The following ADAMTS12 variants were observed in gnomAD, a reference collection of about 807,000 sequenced individuals.
The protein encoded by ADAMTS12 is ADAM metallopeptidase with thrombospondin type 1 motif 12.
Under a neutral mutation model 167.8 loss-of-function variants are expected in ADAMTS12, and 118 were observed. The observed-to-expected ratio is 0.70, with a 90% CI of 0.61 to 0.82. The LOEUF is 0.82. Ranked by LOEUF, ADAMTS12 falls within the 40% of genes least tolerant of loss-of-function variation. ADAMTS12 has a pLI of 0.00. For missense variants in ADAMTS12, 1,916 were observed against 1,998.8 expected (o/e 0.96, Z 0.79); for synonymous variants, 704 against 716.9 (o/e 0.98, Z 0.29).
chr5:33,695,269 T>A (rs1742713893), intron 3 of ADAMTS12, among the ~76,000 whole-genome samples: 1 of 152,310 alleles, frequency 6.6e-6, no homozygotes, highest in East Asian at 1.9e-4. Context: ...ACCCTCACCT[T>A]GTGAAATGGC....
In ADAMTS12 at chr5:33,658,278, G is replaced by C; in HGVS notation, c.1096C>G (p.Leu366Val). The change falls in exon 7 of 24, where the codon CTT becomes GTT. Residue 366 changes from leucine (L) to valine (V), a missense_variant. Leu to Val is a conservative substitution (Grantham distance 32). Transcript: ENST00000504830. ...RPCETLGLSHLSGMCQPHRSC... is the reference protein window; with the variant it reads ...RPCETLGLSHVSGMCQPHRSC... ...CGGTGAGGCTGACACATTCCTGAAA[G>C]GTGAGACAGGCCCAGGGTCTCGCAG... 1 of 1,613,748 alleles carries C rather than the reference G, an allele frequency of 6.2e-7. No homozygotes were observed. Among genetic ancestry groups the C allele is most frequent in the Non-Finnish European group, 8.5e-7 (1 of 1,179,718 alleles).
At chr5:33,860,594 G>T (rs143430230) in intron 2 of ADAMTS12, among the ~76,000 whole-genome samples, 15 of 152,230 alleles carry the variant, frequency 9.9e-5, no homozygotes, top group African/African-American at 3.4e-4. Flanking sequence ...CACACTTCAG[G>T]ATACTATCCA....
At chr5:33,580,804 C>T (rs530132700) in intron 18 of ADAMTS12, among the ~76,000 whole-genome samples, 1 of 152,292 alleles carries the variant, frequency 6.6e-6, no homozygotes, top group East Asian at 1.9e-4. Context: ...TTTGACTTCT[C>T]TTGGAAAAGC....
chr5:33,528,317 T>C (rs1743920107), intron 23 of ADAMTS12, among the ~76,000 whole-genome samples: 1 of 152,172 alleles, frequency 6.6e-6, no homozygotes, highest in Non-Finnish European at 1.5e-5. Context: ...TTGGGTATAG[T>C]ATACACTGCT....
chr5:33,877,811 T>A (rs1333186353), intron 2 of ADAMTS12, among the ~76,000 whole-genome samples: 5 of 152,174 alleles, frequency 3.3e-5, no homozygotes, highest in Non-Finnish European at 7.4e-5. Flanking sequence ...TGAAATCATC[T>A]GAGTCTGCTC....
At chr5:33,563,231 A>C (rs1303844491) in intron 19 of ADAMTS12, among the ~76,000 whole-genome samples, 1 of 152,212 alleles carries the variant, frequency 6.6e-6, no homozygotes, top group African/African-American at 2.4e-5. Context: ...GATAGCACTA[A>C]TGGCCTGCAT....
intron 2 of ADAMTS12, among the ~76,000 whole-genome samples, chr5:33,834,273 A>T (rs1306668996): frequency 6.6e-6 from 1 of 152,200 alleles, no homozygotes; most frequent in Non-Finnish European, 1.5e-5. Flanking sequence ...TGGGGGAATC[A>T]CAATACAGTC....
chr5:33,733,633 T>C (rs1744270476), intron 3 of ADAMTS12, among the ~76,000 whole-genome samples: 1 of 152,184 alleles, frequency 6.6e-6, no homozygotes, highest in Non-Finnish European at 1.5e-5. Context: ...TGGGTCCTTA[T>C]ACTCCAAACA....
intron 3 of ADAMTS12, among the ~76,000 whole-genome samples, chr5:33,697,731 G>C (rs372012153): frequency 6.6e-6 from 1 of 151,740 alleles, no homozygotes; most frequent in African/African-American, 2.4e-5. Flanking sequence ...TTTCTTTTAC[G>C]TGCCCACCTT....
intron 9 of ADAMTS12, among the ~76,000 whole-genome samples, chr5:33,646,606 T>C (rs1160531896): frequency 1.3e-5 from 2 of 152,056 alleles, no homozygotes; most frequent in African/African-American, 2.4e-5. Context: ...GACCCAGAGA[T>C]AGAACTGAAA....
At chr5:33,715,985 G>A (rs1379999278) in intron 3 of ADAMTS12, among the ~76,000 whole-genome samples, 1 of 152,092 alleles carries the variant, frequency 6.6e-6, no homozygotes, top group Admixed American at 6.6e-5. Context: ...AAAGATAGAT[G>A]TTAACTTTTA....
chr5:33,632,620 C>T (rs570666327), intron 12 of ADAMTS12, among the ~76,000 whole-genome samples: 4 of 152,028 alleles, frequency 2.6e-5, no homozygotes, highest in Non-Finnish European at 4.4e-5. Context: ...TCTGGTAGCA[C>T]GATTAGCTCT....
rs1431367711 is a variant in ADAMTS12 at position 33,576,751 on chromosome 5, A to G, written c.3275T>C (p.Leu1092Pro). 5.6e-6 allele frequency: 9 copies of G among 1,614,192 alleles called. No homozygotes were observed. In the Admixed American group the frequency reaches 1.5e-4, roughly 27 times the overall value. The stretch of plus-strand genomic sequence containing the variant: ...CTGAATGCTCAAGGATTGGGAAGTG[A>G]GGATGGGCTGGGAAGTGCTTCCAGT... ...ISTGSTSQPI[L>P]TSQSLSIQPS... The change falls in exon 19 of 24, where the codon CTC (leucine) becomes CCC (proline). Residue 1092 changes from leucine (L) to proline (P), a missense_variant. By Grantham distance (98) the Leu-to-Pro change is moderately conservative (BLOSUM62 -3). Coordinates refer to ENST00000504830, the MANE Select transcript of ADAMTS12 (RefSeq NM_030955.4).
At chr5:33,849,338 A>G (rs530500412) in intron 2 of ADAMTS12, among the ~76,000 whole-genome samples, 15 of 144,312 alleles carry the variant, frequency 1.0e-4, no homozygotes, top group Non-Finnish European at 2.1e-4. Flanking sequence ...TATGTATTGA[A>G]TAGCAATATA....
intron 6 of ADAMTS12, among the ~76,000 whole-genome samples, chr5:33,659,637 A>G (rs1340283661): frequency 6.6e-6 from 1 of 152,228 alleles, no homozygotes; most frequent in Non-Finnish European, 1.5e-5. Flanking sequence ...TGGTTCTTAC[A>G]GGCCAGCAGC....
At chr5:33,574,252 T>C (rs1746548083) in intron 19 of ADAMTS12, among the ~76,000 whole-genome samples, 1 of 152,006 alleles carries the variant, frequency 6.6e-6, no homozygotes. Flanking sequence ...ACTGGGTATA[T>C]ACCCAAAGGA....
chr5:33,756,923 C>T (rs1357996694), intron 2 of ADAMTS12, among the ~76,000 whole-genome samples: 1 of 152,212 alleles, frequency 6.6e-6, no homozygotes, highest in East Asian at 1.9e-4. Flanking sequence ...GAGCCACTAA[C>T]CCCATGCAGC....
chr5:33,682,136 T>G (rs1400351835), intron 5 of ADAMTS12, among the ~76,000 whole-genome samples: 1 of 152,204 alleles, frequency 6.6e-6, no homozygotes, highest in Non-Finnish European at 1.5e-5. Context: ...ACTGCAGAGA[T>G]GACACGTATT....
intron 4 of ADAMTS12, 141 bp downstream of exon 4, chr5:33,683,718 T>C (rs74726701): frequency 0.018 from 8,932 of 483,072 alleles, 719 homozygotes; most frequent in African/African-American, 0.16. Context: ...ATATTCATCC[T>C]TAGGCAGGTA....
Sources: allele counts gnomAD v4.1 joint callset (sites outside exome capture counted in the v4.1 genomes callset), GRCh38; gene constraint gnomAD v4.1.1; transcripts MANE v1.5; gene names NCBI Gene and HGNC (gene_info 2026-07-23, HGNC 2026-07-21).